Variants in KIAA1328 observed in about 807,000 individuals in gnomAD.
The protein encoded by KIAA1328 is protein hinderin.
A neutral mutation model predicts 68.1 loss-of-function variants in KIAA1328; 52 were observed. That is an observed-to-expected ratio of 0.76 (90% CI 0.61 to 0.96). KIAA1328 has a LOEUF of 0.96. Among genes scored for constraint, KIAA1328 ranks in the 40% least tolerant of loss-of-function variants. KIAA1328 has a pLI of 0.00. For missense variants in KIAA1328, 641 were observed against 677.6 expected, an observed-to-expected ratio of 0.95 and a Z score of 0.60; for synonymous variants, 232 against 239.4, an observed-to-expected ratio of 0.97 and a Z score of 0.28.
intron 6 of KIAA1328, among the ~76,000 whole-genome samples, chr18:36,998,143 C>T (rs1250603334): frequency 6.6e-6 from 1 of 152,152 alleles, no homozygotes; most frequent in Non-Finnish European, 1.5e-5. Flanking sequence ...ACTTTGCGTC[C>T]CCCTCCAAGA....
chr18:36,976,387 T>C (rs528363420), intron 6 of KIAA1328, among the ~76,000 whole-genome samples: 1 of 152,320 alleles, frequency 6.6e-6, no homozygotes, highest in Non-Finnish European at 1.5e-5. Flanking sequence ...CATATGTTTT[T>C]ACCTTGCTGA....
At chr18:37,077,945 C>T (rs2056804810) in intron 7 of KIAA1328, among the ~76,000 whole-genome samples, 1 of 152,120 alleles carries the variant, frequency 6.6e-6, no homozygotes, top group African/African-American at 2.4e-5. Context: ...ATCAACCTAC[C>T]AATGACTGTC....
chr18:37,027,949 G>A (rs2054657213), intron 6 of KIAA1328, among the ~76,000 whole-genome samples: 1 of 152,028 alleles, frequency 6.6e-6, no homozygotes, highest in Admixed American at 6.6e-5. Context: ...GAAAATTTCT[G>A]CAATCTACTC....
At chr18:37,134,083 G>C (rs72894330) in intron 7 of KIAA1328, among the ~76,000 whole-genome samples, 20,673 of 150,570 alleles carry the variant, frequency 0.14, 1,748 homozygotes, top group Admixed American at 0.19. Context: ...GCATGATCTC[G>C]GCTCTCTGCA....
intron 6 of KIAA1328, among the ~76,000 whole-genome samples, chr18:37,057,657 G>A (rs541324644): frequency 3.3e-5 from 5 of 151,038 alleles, no homozygotes; most frequent in East Asian, 2.0e-4. Context: ...GGATGGTCTC[G>A]ATCTCCTGAC....
At chr18:37,142,222 C>T (rs745472920) in intron 7 of KIAA1328, among the ~76,000 whole-genome samples, 4 of 151,930 alleles carry the variant, frequency 2.6e-5, no homozygotes, top group African/African-American at 7.3e-5. Flanking sequence ...GATGGAGTCT[C>T]GCTCCGTCAC....
chr18:36,840,983 G>A (rs1028792860), intron 3 of KIAA1328, among the ~76,000 whole-genome samples: 1 of 152,116 alleles, frequency 6.6e-6, no homozygotes, highest in African/African-American at 2.4e-5. Context: ...TGACAGGAGA[G>A]GAAAAGAAGG....
At chr18:36,907,612 C>T (rs2049271358) in intron 5 of KIAA1328, among the ~76,000 whole-genome samples, 1 of 151,922 alleles carries the variant, frequency 6.6e-6, no homozygotes, top group Non-Finnish European at 1.5e-5. Context: ...GGGCTGAAGC[C>T]CACTTGATAT....
chr18:36,999,188 A>G (rs771467737), intron 6 of KIAA1328, among the ~76,000 whole-genome samples: 14 of 152,234 alleles, frequency 9.2e-5, no homozygotes, highest in African/African-American at 3.4e-4. Context: ...GAACAAACTC[A>G]GAACTTAAAG....
chr18:37,228,251 A>G (rs2060649207), downstream of KIAA1328, among the ~76,000 whole-genome samples: 2 of 152,222 alleles, frequency 1.3e-5, no homozygotes, highest in Admixed American at 1.3e-4. Flanking sequence ...TGAAATGACA[A>G]CAAAAGACTT....
chr18:37,193,958 T>C (rs1387593925), intron 9 of KIAA1328, among the ~76,000 whole-genome samples: 2 of 152,208 alleles, frequency 1.3e-5, no homozygotes, highest in Non-Finnish European at 2.9e-5. Context: ...CCTCATTCTT[T>C]TAAGTTGCCG....
intron 5 of KIAA1328, among the ~76,000 whole-genome samples, chr18:36,886,891 GA>G (rs974728206): frequency 6.0e-4 from 91 of 152,090 alleles, no homozygotes; most frequent in African/African-American, 1.9e-3. Context: ...TAATTAGCTT[GA>G]AAAATACAAG....
At position 36,885,747 on chromosome 18, in the gene KIAA1328, C is replaced by T. The variant is rs773199815; in HGVS notation, c.448+75C>T. The T allele has an allele frequency of 4.9e-5, 47 of 967,632 alleles. No individual in the cohort carries two copies. The Admixed American group carries it at 6.1e-4, about 13-fold the overall frequency. The allele number at this position is 967,632 out of a possible 1,614,324, so 59.9% of individuals were successfully genotyped here. A position where few individuals can be genotyped will look rare whatever the true frequency, so the allele number is the denominator to read the frequency against. On this transcript the variant is annotated intron_variant, in intron 5 of 9. Transcript: ENST00000280020. ...TCTTTTTTTTTTTGAGACGAAATCT[C>T]GCTCTTGTCGCCTAGGCTGCAGTGC...
chr18:37,093,461 A>C (rs552748680), intron 7 of KIAA1328, among the ~76,000 whole-genome samples: 68 of 152,346 alleles, frequency 4.5e-4, no homozygotes, highest in African/African-American at 1.6e-3. Flanking sequence ...CATAAAAAAG[A>C]ACCAAGTAGA....
chr18:37,131,836 C>T (rs2058529441), intron 7 of KIAA1328, among the ~76,000 whole-genome samples: 1 of 152,074 alleles, frequency 6.6e-6, no homozygotes. Flanking sequence ...TCATTTTATC[C>T]TTATTCATAC....
At chr18:36,900,266 C>T (rs2048994349) in intron 5 of KIAA1328, among the ~76,000 whole-genome samples, 1 of 151,870 alleles carries the variant, frequency 6.6e-6, no homozygotes, top group Non-Finnish European at 1.5e-5. Flanking sequence ...TCAAAATACC[C>T]TGAGATGATA....
At chr18:36,902,204 T>G (rs1463748473) in intron 5 of KIAA1328, 1 of 151,952 alleles carries the variant, frequency 6.6e-6, no homozygotes, top group Non-Finnish European at 1.5e-5. Flanking sequence ...GAGGCAATAT[T>G]TTCATCTCTT....
At chr18:37,047,064 G>A (rs959661125) in intron 6 of KIAA1328, among the ~76,000 whole-genome samples, 4 of 152,144 alleles carry the variant, frequency 2.6e-5, no homozygotes, top group Non-Finnish European at 5.9e-5. Flanking sequence ...CCGAAATCGC[G>A]CCACTGCACT....
chr18:36,912,700 T>G (rs1324218302), intron 5 of KIAA1328, among the ~76,000 whole-genome samples: 3 of 152,144 alleles, frequency 2.0e-5, no homozygotes, highest in Non-Finnish European at 4.4e-5. Context: ...CATTGCAGCA[T>G]CATTTCAAAG....
Sources: gnomAD v4.1 joint callset for allele counts (sites outside exome capture counted in the v4.1 genomes callset) on GRCh38, gnomAD v4.1.1 for gene constraint, MANE v1.5 for transcripts, NCBI Gene and HGNC (gene_info 2026-07-23, HGNC 2026-07-21) for gene names.